SLC14A2: variants seen among roughly 807,000 people sequenced by gnomAD.
SLC14A2 encodes the protein solute carrier family 14 member 2.
SLC14A2 carries 91 observed loss-of-function variants against 104.6 expected under a neutral mutation model. The observed-to-expected ratio is 0.87, with a 90% confidence interval of 0.73 to 1.04. The LOEUF is 1.04. Ranked by LOEUF, SLC14A2 falls within the 50% of genes least tolerant of loss-of-function variation. The probability of loss-of-function intolerance (pLI) is 0.00; values close to 1 mark genes in which losing one functional copy is unlikely to be tolerated. For missense variants in SLC14A2, 1,189 were observed against 1,156.0 expected (o/e 1.03, Z -0.41); for synonymous variants, 476 against 466.4 (o/e 1.02, Z -0.27).
intron 4 of SLC14A2, 70 bp downstream of exon 4, chr18:45,627,217 A>T (rs1205025579): frequency 7.0e-7 from 1 of 1,424,694 alleles, no homozygotes; most frequent in South Asian, 1.2e-5. Flanking sequence ...TTACTTGAGT[A>T]ATCAGTCAAC....
chr18:45,529,801 G>C (rs1220197376), intron 2 of SLC14A2: 1 of 152,112 alleles, frequency 6.6e-6, no homozygotes, highest in African/African-American at 2.4e-5. Flanking sequence ...GCCCTTTGGT[G>C]GGGGGCTATC....
chr18:45,635,191 G>A (rs768297472), intron 5 of SLC14A2, among the ~76,000 whole-genome samples: 7 of 152,200 alleles, frequency 4.6e-5, no homozygotes, highest in African/African-American at 1.7e-4. Context: ...AAGTAGAGAT[G>A]TTGTAAAGGC....
intron 1 of SLC14A2, among the ~76,000 whole-genome samples, chr18:45,220,955 C>T (rs1312745659): frequency 6.6e-6 from 1 of 152,196 alleles, no homozygotes; most frequent in African/African-American, 2.4e-5. Flanking sequence ...TGTCTCTTTT[C>T]TGTGCCCAAA....
chr18:45,335,867 G>A (rs1465870104), intron 1 of SLC14A2, among the ~76,000 whole-genome samples: 1 of 152,140 alleles, frequency 6.6e-6, no homozygotes, highest in African/African-American at 2.4e-5. Context: ...TTCAGAGGAA[G>A]GTGCTAAATT....
At chr18:45,264,118 T>G (rs73425988) in intron 1 of SLC14A2, among the ~76,000 whole-genome samples, 9,298 of 152,252 alleles carry the variant, frequency 0.061, 776 homozygotes, top group African/African-American at 0.19. Flanking sequence ...GAATCAAATG[T>G]GTCAGATCCA....
chr18:45,203,773 A>G, the SLC14A2 span, among the ~76,000 whole-genome samples: 1 of 152,250 alleles, frequency 6.6e-6, no homozygotes, highest in Non-Finnish European at 1.5e-5. Context: ...ATATCATCAT[A>G]AAATGTAGCC....
chr18:45,248,604 A>C (rs2084390279), intron 1 of SLC14A2, among the ~76,000 whole-genome samples: 1 of 152,166 alleles, frequency 6.6e-6, no homozygotes, highest in Non-Finnish European at 1.5e-5. Context: ...GTTGAGGTAG[A>C]CTTCAGACTA....
intron 4 of SLC14A2, among the ~76,000 whole-genome samples, chr18:45,629,225 T>C (rs889838182): frequency 3.9e-5 from 6 of 152,268 alleles, no homozygotes; most frequent in African/African-American, 1.2e-4. Flanking sequence ...CTGGCCCTGG[T>C]GAGAAGTTGC....
At chr18:45,309,129 G>T (rs1294374435) in intron 1 of SLC14A2, among the ~76,000 whole-genome samples, 1 of 152,052 alleles carries the variant, frequency 6.6e-6, no homozygotes, top group Admixed American at 6.6e-5. Flanking sequence ...CTATGCCAAG[G>T]TTCTATCCTC....
chr18:45,487,701 G>T (rs1373273976), intron 2 of SLC14A2, among the ~76,000 whole-genome samples: 1 of 152,188 alleles, frequency 6.6e-6, no homozygotes, highest in Admixed American at 6.5e-5. Context: ...AGAGGGAGGA[G>T]CTGGACTTTG....
At chr18:45,644,336 C>T in intron 10 of SLC14A2, 176 bp downstream of exon 10, 1 of 560,842 alleles carries the variant, frequency 1.8e-6, no homozygotes, top group Non-Finnish European at 3.1e-6. Context: ...TCATTCTCTG[C>T]CAGAATCTCC....
rs75966400 is a variant in SLC14A2 at position 45,641,941 on chromosome 18, C to A, written c.1126+598C>A. Among the ~76,000 whole-genome samples the A allele has an allele frequency of 5.0e-3, 758 of 152,306 alleles. 7 individuals are homozygous for A. Among genetic ancestry groups the A allele is most frequent in the African/African-American group, 0.017 (725 of 41,566 alleles). ...CATACACCTGTATCCCAGCACCATACCCTGTTATATAAATATACAAACTCA... is the reference window on the plus strand; with the variant it reads ...CATACACCTGTATCCCAGCACCATAACCTGTTATATAAATATACAAACTCA... On this transcript the variant is annotated intron_variant, in intron 8 of 19. Coordinates refer to ENST00000255226, the MANE Select transcript of SLC14A2 (RefSeq NM_007163.4).
chr18:45,246,896 T>TA (rs1310494216), intron 1 of SLC14A2, among the ~76,000 whole-genome samples: 1 of 152,126 alleles, frequency 6.6e-6, no homozygotes, highest in Non-Finnish European at 1.5e-5. Context: ...GTAATCCCCA[T>TA]TTTTTCAGAG....
intron 1 of SLC14A2, among the ~76,000 whole-genome samples, chr18:45,264,063 T>A (rs1482272918): frequency 6.6e-6 from 1 of 152,202 alleles, no homozygotes; most frequent in African/African-American, 2.4e-5. Context: ...TATCTATCCA[T>A]CTATCTCTAT....
At chr18:45,203,378 C>A in the SLC14A2 span, among the ~76,000 whole-genome samples, 3 of 152,268 alleles carry the variant, frequency 2.0e-5, no homozygotes, top group African/African-American at 7.2e-5. Context: ...AAGGTTCAGG[C>A]GGAACTGTGG....
intron 1 of SLC14A2, among the ~76,000 whole-genome samples, chr18:45,259,002 C>T (rs994278082): frequency 1.3e-5 from 2 of 152,234 alleles, no homozygotes; most frequent in African/African-American, 2.4e-5. Context: ...TGTGTCCCTT[C>T]ATATGCTGAC....
At chr18:45,622,190 C>T (rs1050371809) in intron 1 of SLC14A2, among the ~76,000 whole-genome samples, 1 of 152,138 alleles carries the variant, frequency 6.6e-6, no homozygotes, top group African/African-American at 2.4e-5. Flanking sequence ...TAGGGATATC[C>T]AAATGAAAGT....
chr18:45,311,087 C>T (rs965865350), intron 1 of SLC14A2, among the ~76,000 whole-genome samples: 2 of 152,160 alleles, frequency 1.3e-5, no homozygotes, highest in African/African-American at 2.4e-5. Context: ...GCTTGGTATC[C>T]AGTCAGCCAG....
rs554706998 is a variant in SLC14A2 at position 45,306,031 on chromosome 18, AG to A, written c.-125+92843del. Among the ~76,000 whole-genome samples, 13 of 152,298 alleles carry A rather than the reference AG, an allele frequency of 8.5e-5. No homozygotes were observed. The South Asian group carries it at 2.7e-3, about 32-fold the overall frequency. On this transcript the variant is annotated intron_variant, in intron 1 of 20. Coordinates refer to the SLC14A2 transcript ENST00000586448. ...ACATTTGATCAGGATCCTTTCAGAG[AG>A]GGAGGGACTGAGGCACAGGTTCCTT...
Sources: gnomAD v4.1 joint callset for allele counts (sites outside exome capture counted in the v4.1 genomes callset) on GRCh38, gnomAD v4.1.1 for gene constraint, MANE v1.5 for transcripts, NCBI Gene and HGNC (gene_info 2026-07-23, HGNC 2026-07-21) for gene names.